The following RPS6KC1 variants were observed in gnomAD, a reference collection of about 807,000 sequenced individuals.
RPS6KC1 encodes the protein inactive ribosomal protein S6 kinase delta-1.
RPS6KC1 carries 54 observed loss-of-function variants against 103.8 expected under a neutral mutation model. The ratio of observed to expected loss-of-function variants is 0.52; its 90% CI spans 0.42 to 0.65. The LOEUF (loss-of-function observed/expected upper bound fraction) is 0.65, where lower values mean the gene tolerates loss of function less well. Among genes scored for constraint, RPS6KC1 ranks in the 30% least tolerant of loss-of-function variants. RPS6KC1 has a pLI of 0.00. For missense variants in RPS6KC1, 1,151 were observed against 1,253.8 expected, an observed-to-expected ratio of 0.92 and a Z score of 1.24; for synonymous variants, 439 against 438.7, an observed-to-expected ratio of 1.00 and a Z score of -0.01.
the RPS6KC1 span, among the ~76,000 whole-genome samples, chr1:213,444,161 T>C: frequency 8.5e-5 from 13 of 152,192 alleles, no homozygotes; most frequent in Non-Finnish European, 1.9e-4. Context: ...CCAATCTTTA[T>C]GTGGCATTCT....
chr1:213,209,967 A>G (rs1363188942), intron 8 of RPS6KC1, among the ~76,000 whole-genome samples: 1 of 152,162 alleles, frequency 6.6e-6, no homozygotes, highest in African/African-American at 2.4e-5. Flanking sequence ...TAGCATGCTA[A>G]TGCATTATAA....
At chr1:213,426,924 G>T in the RPS6KC1 span, among the ~76,000 whole-genome samples, 1 of 152,324 alleles carries the variant, frequency 6.6e-6, no homozygotes, top group South Asian at 2.1e-4. Context: ...CCCTCTAGCT[G>T]CTATGTATAC....
intron 12 of RPS6KC1, among the ~76,000 whole-genome samples, chr1:213,251,593 TC>T (rs976715019): frequency 1.9e-4 from 29 of 152,202 alleles, no homozygotes; most frequent in Admixed American, 1.6e-3. Flanking sequence ...CACCCTCTAA[TC>T]TTTGTTTCTT....
chr1:213,212,472 C>T (rs1041939232), intron 8 of RPS6KC1, among the ~76,000 whole-genome samples: 1 of 152,136 alleles, frequency 6.6e-6, no homozygotes, highest in Non-Finnish European at 1.5e-5. Flanking sequence ...CCAGTTTACC[C>T]ATTCACCTAT....
intron 6 of RPS6KC1, among the ~76,000 whole-genome samples, chr1:213,157,503 G>A (rs1033473296): frequency 6.6e-6 from 1 of 152,092 alleles, no homozygotes; most frequent in Non-Finnish European, 1.5e-5. Context: ...CACCATGCCC[G>A]GCCTTTAATT....
the RPS6KC1 span, among the ~76,000 whole-genome samples, chr1:213,714,362 A>G: frequency 6.6e-6 from 1 of 152,248 alleles, no homozygotes; most frequent in Non-Finnish European, 1.5e-5. Context: ...GAAGGAGAAA[A>G]TGCTCATTCA....
the RPS6KC1 span, among the ~76,000 whole-genome samples, chr1:213,545,933 G>A: frequency 6.6e-6 from 1 of 152,142 alleles, no homozygotes; most frequent in African/African-American, 2.4e-5. Flanking sequence ...CTTGATCCCA[G>A]TGAACCCTTC....
intron 6 of RPS6KC1, among the ~76,000 whole-genome samples, chr1:213,150,896 A>G (rs2088662935): frequency 6.6e-6 from 1 of 151,878 alleles, no homozygotes; most frequent in Non-Finnish European, 1.5e-5. Context: ...GTGGCCGGGC[A>G]GAGGCGCCCC....
chr1:213,394,192 C>G, the RPS6KC1 span, among the ~76,000 whole-genome samples: 1 of 152,252 alleles, frequency 6.6e-6, no homozygotes, highest in East Asian at 1.9e-4. Context: ...CATGTGGATT[C>G]CTGGAGCCTG....
the RPS6KC1 span, among the ~76,000 whole-genome samples, chr1:213,771,580 T>A: frequency 6.6e-6 from 1 of 152,216 alleles, no homozygotes; most frequent in African/African-American, 2.4e-5. Context: ...TTCAGTGGTA[T>A]AATACATCCT....
the RPS6KC1 span, among the ~76,000 whole-genome samples, chr1:213,780,356 T>C: frequency 6.6e-6 from 1 of 152,186 alleles, no homozygotes; most frequent in Non-Finnish European, 1.5e-5. Context: ...TCAGCTCTAC[T>C]TCTGTAATCA....
At chr1:213,454,180 A>G in the RPS6KC1 span, among the ~76,000 whole-genome samples, 1 of 152,078 alleles carries the variant, frequency 6.6e-6, no homozygotes, top group Non-Finnish European at 1.5e-5. Flanking sequence ...TTCTGTGTTC[A>G]AGGGTCAACT....
chr1:213,720,775 A>T, the RPS6KC1 span, among the ~76,000 whole-genome samples: 1 of 152,196 alleles, frequency 6.6e-6, no homozygotes, highest in African/African-American at 2.4e-5. Flanking sequence ...TTACCCACAC[A>T]TCTTGTGTTT....
rs143395087 is a variant in RPS6KC1, at chr1:213,197,284, A to G, written c.1044+20792A>G. Among the ~76,000 whole-genome samples the G allele has an allele frequency of 3.4e-3, 520 of 152,192 alleles. 6 individuals carry two copies. Among genetic ancestry groups the G allele is most frequent in the African/African-American group, 0.012 (493 of 41,528 alleles). On this transcript the variant is annotated intron_variant, in intron 8 of 14. Coordinates refer to ENST00000366960, the MANE Select transcript of RPS6KC1 (RefSeq NM_012424.6). ...TATGTGAGCTCTTTTTTGGTTCCAT[A>G]TGAATTTTAGGACTCTTTTTTTCTA...
At chr1:213,459,229 C>T in the RPS6KC1 span, among the ~76,000 whole-genome samples, 36 of 152,178 alleles carry the variant, frequency 2.4e-4, no homozygotes, top group Admixed American at 8.5e-4. Context: ...TGAATCCATC[C>T]GGTCCTGGGC....
At chr1:213,623,812 C>T in the RPS6KC1 span, among the ~76,000 whole-genome samples, 1 of 152,170 alleles carries the variant, frequency 6.6e-6, no homozygotes, top group East Asian at 1.9e-4. Context: ...GCAAAGACTG[C>T]TAGCAACACA....
the RPS6KC1 span, among the ~76,000 whole-genome samples, chr1:213,513,110 G>A: frequency 6.6e-6 from 1 of 152,148 alleles, no homozygotes; most frequent in Non-Finnish European, 1.5e-5. Flanking sequence ...TATGGAAGAG[G>A]GAGGCAGAAG....
chr1:213,146,601 A>G (rs2087866480), intron 6 of RPS6KC1, among the ~76,000 whole-genome samples: 1 of 151,210 alleles, frequency 6.6e-6, no homozygotes, highest in Non-Finnish European at 1.5e-5. Context: ...AATTTTTTGT[A>G]TTTTTAGTAG....
At chr1:213,521,207 A>G in the RPS6KC1 span, among the ~76,000 whole-genome samples, 1 of 152,228 alleles carries the variant, frequency 6.6e-6, no homozygotes, top group Admixed American at 6.5e-5. Flanking sequence ...GACCACCACA[A>G]TAAAGGAAAT....
Sources: allele counts gnomAD v4.1 joint callset (sites outside exome capture counted in the v4.1 genomes callset), GRCh38; gene constraint gnomAD v4.1.1; transcripts MANE v1.5; gene names NCBI Gene and HGNC (gene_info 2026-07-23, HGNC 2026-07-21).